CNTN3: variants seen among roughly 807,000 people sequenced by gnomAD.
CNTN3 encodes the protein contactin 3, also known as contactin-3.
In CNTN3, 60 loss-of-function variants were observed where a neutral mutation model predicts 119.1. The observed-to-expected ratio is 0.50, with a 90% CI of 0.41 to 0.62. The LOEUF is 0.62. Ranked by LOEUF, CNTN3 falls within the 20% of genes least tolerant of loss-of-function variation. CNTN3 has a pLI of 0.00. For missense variants in CNTN3, 1,101 were observed against 1,242.4 expected (o/e 0.89, Z 1.71); for synonymous variants, 450 against 438.7 (o/e 1.03, Z -0.32).
chr3:74,547,316 A>G (rs1001012816), intron 1 of CNTN3, among the ~76,000 whole-genome samples: 5 of 152,200 alleles, frequency 3.3e-5, no homozygotes, highest in Non-Finnish European at 7.4e-5. Flanking sequence ...ACCTATCACT[A>G]GTAGATGCAT....
At chr3:74,609,320 A>G (rs1239665202) in intron 1 of CNTN3, among the ~76,000 whole-genome samples, 4 of 152,206 alleles carry the variant, frequency 2.6e-5, no homozygotes, top group Non-Finnish European at 5.9e-5. Flanking sequence ...AGATTGGAAC[A>G]AGAAAGAGAG....
intron 4 of CNTN3, among the ~76,000 whole-genome samples, chr3:74,436,509 C>T (rs1473606288): frequency 6.6e-6 from 1 of 152,150 alleles, no homozygotes; most frequent in Non-Finnish European, 1.5e-5. Flanking sequence ...CTTCTGCTTT[C>T]ATCATTTCAA....
At chr3:74,440,595 G>T (rs1701947256) in intron 4 of CNTN3, among the ~76,000 whole-genome samples, 1 of 152,006 alleles carries the variant, frequency 6.6e-6, no homozygotes, top group Non-Finnish European at 1.5e-5. Flanking sequence ...ACCAATTGTG[G>T]ATCAAAAATA....
chr3:74,354,784 C>T lies in CNTN3; in HGVS notation c.1364+7106G>A, dbSNP rs954164011. The stretch of plus-strand genomic sequence containing the variant: ...CAATACTGAATGCCAGTAATTATGA[C>T]GTTTAGAATAGTTGAGCACCAGGTG... On this transcript the variant is annotated intron_variant, in intron 11 of 22. Coordinates refer to ENST00000263665, the MANE Select transcript of CNTN3 (RefSeq NM_020872.3). Among the ~76,000 whole-genome samples, 103 of 152,050 alleles carry T rather than the reference C, an allele frequency of 6.8e-4. 2 individuals are homozygous for T. Among genetic ancestry groups the T allele is most frequent in the African/African-American group, 2.5e-3 (102 of 41,392 alleles).
Position 74,369,848 on chromosome 3 carries a change from C to G in CNTN3, c.761+41G>C, listed in dbSNP as rs756333816. The G allele has an allele frequency of 2.9e-6, 3 of 1,040,076 alleles. No individual in the cohort carries two copies. The East Asian group carries it at 7.6e-5, about 26-fold the overall frequency. 64.4% of individuals were successfully genotyped at this position (1,040,076 alleles called of 1,614,324 possible). A position where few individuals can be genotyped will look rare whatever the true frequency, so the allele number is the denominator to read the frequency against. On this transcript the variant is annotated intron_variant, in intron 7 of 22. Transcript: ENST00000263665. ...AACCATCCTGATTTCTTATAGCAACCTAATATTTCAGCACATAGGAGTAAA... is the reference window on the plus strand; with the variant it reads ...AACCATCCTGATTTCTTATAGCAACGTAATATTTCAGCACATAGGAGTAAA...
intron 13 of CNTN3, among the ~76,000 whole-genome samples, chr3:74,321,504 T>C (rs1201887256): frequency 6.6e-6 from 1 of 151,458 alleles, no homozygotes; most frequent in Admixed American, 6.6e-5. Flanking sequence ...TTCAGAAAAC[T>C]GGAAAAATAG....
intron 4 of CNTN3, among the ~76,000 whole-genome samples, chr3:74,486,091 C>T (rs1017316540): frequency 4.5e-5 from 5 of 111,780 alleles, no homozygotes; most frequent in South Asian, 2.5e-4. Context: ...ACAATTCTTT[C>T]GCATTTTTTT....
At chr3:74,369,088 A>G in intron 8 of CNTN3, 101 bp downstream of exon 8, 1 of 787,122 alleles carries the variant, frequency 1.3e-6, no homozygotes, top group East Asian at 3.2e-5. Context: ...CAAGTTGAAC[A>G]TTGGGATTCT....
At chr3:74,382,320 AT>A (rs1308371300) in intron 5 of CNTN3, among the ~76,000 whole-genome samples, 1 of 152,222 alleles carries the variant, frequency 6.6e-6, no homozygotes, top group Non-Finnish European at 1.5e-5. Flanking sequence ...AAATGCTTAA[AT>A]CAAGTTAATT....
intron 1 of CNTN3, among the ~76,000 whole-genome samples, chr3:74,613,678 T>A (rs930388568): frequency 1.3e-5 from 2 of 152,056 alleles, no homozygotes; most frequent in African/African-American, 2.4e-5. Context: ...CCAGAAAAAA[T>A]TCCTGATGGT....
At chr3:74,562,121 T>C (rs1704162560) in intron 1 of CNTN3, among the ~76,000 whole-genome samples, 1 of 152,096 alleles carries the variant, frequency 6.6e-6, no homozygotes, top group Admixed American at 6.6e-5. Context: ...TTTCCCCATA[T>C]TTCCACCAGC....
rs557085522 is a variant in CNTN3, at chr3:74,362,886, T to A, written c.1214-846A>T. Among the ~76,000 whole-genome samples the A allele has an allele frequency of 4.6e-5, 7 of 152,328 alleles. No individual in the cohort carries two copies. In the South Asian group the frequency reaches 1.4e-3, roughly 32 times the overall value. On this transcript the variant is annotated intron_variant, in intron 10 of 22. Coordinates refer to ENST00000263665, the MANE Select transcript of CNTN3 (RefSeq NM_020872.3). ...CATATTACGTAATTATACATGTGAT[T>A]GTGGTAAAGAAAACATGGTATCCAG...
chr3:74,392,400 C>T (rs1704935226), intron 5 of CNTN3, among the ~76,000 whole-genome samples: 1 of 152,140 alleles, frequency 6.6e-6, no homozygotes, highest in African/African-American at 2.4e-5. Context: ...CCCTCCCTTC[C>T]ACCCTGCTTC....
chr3:74,431,990 A>G (rs1262696499), intron 4 of CNTN3, among the ~76,000 whole-genome samples: 1 of 152,004 alleles, frequency 6.6e-6, no homozygotes. Context: ...ACTATCCAGT[A>G]GTGATAATTT....
intron 1 of CNTN3, among the ~76,000 whole-genome samples, chr3:74,561,695 A>T (rs949978446): frequency 6.6e-6 from 1 of 151,978 alleles, no homozygotes; most frequent in African/African-American, 2.4e-5. Context: ...ATGTTCATTT[A>T]TTTCTGGGTT....
intron 11 of CNTN3, among the ~76,000 whole-genome samples, chr3:74,357,824 C>A (rs1703974534): frequency 6.6e-6 from 1 of 152,004 alleles, no homozygotes. Context: ...ATAAATATCC[C>A]ATTAAAAAAT....
At chr3:74,344,397 G>GTTTTTT (rs1156579949) in intron 11 of CNTN3, among the ~76,000 whole-genome samples, 1 of 32,628 alleles carries the variant, frequency 3.1e-5, no homozygotes, top group Non-Finnish European at 7.2e-5. Context: ...TTACACAGTG[G>GTTTTTT]TTTTTTTTTT....
At chr3:74,421,971 A>T (rs4677394) in intron 5 of CNTN3, among the ~76,000 whole-genome samples, 89,984 of 152,118 alleles carry the variant, frequency 0.59, 29,294 homozygotes, top group East Asian at 0.81. Flanking sequence ...GGCTGTTAAA[A>T]GCTTATATCT....
intron 1 of CNTN3, among the ~76,000 whole-genome samples, chr3:74,554,507 C>T (rs948704933): frequency 6.6e-6 from 1 of 152,144 alleles, no homozygotes; most frequent in African/African-American, 2.4e-5. Flanking sequence ...TTACTTTGGG[C>T]AGTATGGCCA....
Sources: allele counts gnomAD v4.1 joint callset (sites outside exome capture counted in the v4.1 genomes callset), GRCh38; gene constraint gnomAD v4.1.1; transcripts MANE v1.5; gene names NCBI Gene and HGNC (gene_info 2026-07-23, HGNC 2026-07-21).